The following XRCC4 variants were observed in gnomAD, a reference collection of about 807,000 sequenced individuals.
The protein encoded by XRCC4 is DNA repair protein XRCC4.
Under a neutral mutation model 39.1 loss-of-function variants are expected in XRCC4, and 28 were observed. The ratio of observed to expected loss-of-function variants is 0.72; its 90% CI spans 0.53 to 0.98. XRCC4 has a LOEUF of 0.98. Among genes scored for constraint, XRCC4 ranks in the 50% least tolerant of loss-of-function variants. XRCC4 has a pLI of 0.00. For synonymous variants in XRCC4, 123 were observed against 126.4 expected, an observed-to-expected ratio of 0.97 and a Z score of 0.18; for missense variants, 350 against 376.4, an observed-to-expected ratio of 0.93 and a Z score of 0.58.
intron 6 of XRCC4, among the ~76,000 whole-genome samples, chr5:83,235,619 G>GA (rs777345894): frequency 6.6e-6 from 1 of 151,984 alleles, no homozygotes; most frequent in Non-Finnish European, 1.5e-5. Flanking sequence ...TACTGAACGG[G>GA]AAAAAAACAA....
intron 4 of XRCC4, among the ~76,000 whole-genome samples, chr5:83,200,880 C>T (rs1050812219): frequency 2.6e-5 from 4 of 152,058 alleles, no homozygotes; most frequent in African/African-American, 9.7e-5. Flanking sequence ...GAATATCATG[C>T]TTACGTAACA....
chr5:83,120,011 A>C (rs867906864), intron 3 of XRCC4, among the ~76,000 whole-genome samples: 6 of 151,340 alleles, frequency 4.0e-5, no homozygotes, highest in Non-Finnish European at 7.4e-5. Flanking sequence ...AAAAAAAAAA[A>C]AAAACAATAA....
chr5:83,217,628 G>A (rs1751915360), intron 6 of XRCC4, among the ~76,000 whole-genome samples: 1 of 152,160 alleles, frequency 6.6e-6, no homozygotes, highest in Non-Finnish European at 1.5e-5. Context: ...GCACAAGGAT[G>A]CAGATGTCAG....
intron 7 of XRCC4, among the ~76,000 whole-genome samples, chr5:83,321,779 T>C (rs1376668241): frequency 6.6e-6 from 1 of 151,978 alleles, no homozygotes; most frequent in Non-Finnish European, 1.5e-5. Flanking sequence ...AGATGTGATA[T>C]TCCCTGAAGA....
intron 6 of XRCC4, among the ~76,000 whole-genome samples, chr5:83,222,995 G>A (rs755015805): frequency 1.1e-4 from 17 of 152,120 alleles, no homozygotes; most frequent in Non-Finnish European, 2.1e-4. Context: ...CAATGTACCT[G>A]CCTTGGCCTC....
intron 1 of XRCC4, among the ~76,000 whole-genome samples, chr5:83,086,027 G>A (rs1036415639): frequency 1.3e-5 from 2 of 152,124 alleles, no homozygotes; most frequent in Non-Finnish European, 2.9e-5. Flanking sequence ...TTCTTTGAAC[G>A]ACAGTCCTAA....
At chr5:83,161,238 G>C (rs948940942) in intron 3 of XRCC4, among the ~76,000 whole-genome samples, 9 of 151,756 alleles carry the variant, frequency 5.9e-5, no homozygotes, top group African/African-American at 2.2e-4. Context: ...AGCCTCCCAA[G>C]TAGCTGGGAT....
intron 3 of XRCC4, among the ~76,000 whole-genome samples, chr5:83,157,961 C>T (rs2112574238): frequency 1.3e-5 from 2 of 152,080 alleles, no homozygotes; most frequent in African/African-American, 4.8e-5. Context: ...TTGTTGTTTT[C>T]CCCACTTGCT....
intron 7 of XRCC4, among the ~76,000 whole-genome samples, chr5:83,291,858 G>T (rs1754929997): frequency 6.6e-6 from 1 of 151,614 alleles, no homozygotes; most frequent in African/African-American, 2.4e-5. Flanking sequence ...GTTGACTTCA[G>T]ATATAGTTCA....
intron 1 of XRCC4, among the ~76,000 whole-genome samples, chr5:83,084,801 A>G (rs1241359430): frequency 2.6e-5 from 4 of 152,144 alleles, no homozygotes; most frequent in African/African-American, 9.7e-5. Context: ...ACTACTCTTT[A>G]TGATTGGCAT....
chr5:83,095,803 A>G (rs1030947631), intron 1 of XRCC4, among the ~76,000 whole-genome samples: 6 of 152,084 alleles, frequency 3.9e-5, no homozygotes, highest in Non-Finnish European at 7.4e-5. Flanking sequence ...GGGCCCCTTC[A>G]CAGTCTGCTG....
chr5:83,302,982 G>A (rs540749337), intron 7 of XRCC4, among the ~76,000 whole-genome samples: 58 of 152,282 alleles, frequency 3.8e-4, no homozygotes, highest in African/African-American at 8.7e-4. Context: ...GGAAGCTGAG[G>A]CGGGTGGATC....
rs542671231 is a variant in XRCC4 at position 83,298,567 on chromosome 5, A to G, written c.893+39890A>G. On this transcript the variant is annotated intron_variant, in intron 7 of 7. Coordinates refer to ENST00000396027, the MANE Select transcript of XRCC4 (RefSeq NM_003401.5). The stretch of plus-strand genomic sequence containing the variant: ...TTCTTTTGATTAGTGTTTCCCTGGT[A>G]TATCTGTTTATTCACCCTTGTTACT... Among the ~76,000 whole-genome samples the G allele has an allele frequency of 3.3e-5, 5 of 151,586 alleles. No individual in the cohort carries two copies. The South Asian group carries it at 1.0e-3, about 32-fold the overall frequency.
chr5:83,313,785 A>G (rs907659376), intron 7 of XRCC4, among the ~76,000 whole-genome samples: 18 of 152,222 alleles, frequency 1.2e-4, no homozygotes, highest in African/African-American at 4.3e-4. Flanking sequence ...TGATCACAGT[A>G]TTTAATATTG....
intron 3 of XRCC4, among the ~76,000 whole-genome samples, chr5:83,170,903 A>G (rs1749693097): frequency 6.6e-6 from 1 of 152,142 alleles, no homozygotes; most frequent in Non-Finnish European, 1.5e-5. Flanking sequence ...GGCTACTACT[A>G]AGATAATAGA....
chr5:83,369,084 A>G, the XRCC4 span, among the ~76,000 whole-genome samples: 1 of 152,222 alleles, frequency 6.6e-6, no homozygotes, highest in South Asian at 2.1e-4. Flanking sequence ...ATAACTTCTT[A>G]GAAGTGAGTA....
At chr5:83,083,970 C>T (rs1404985930) in intron 1 of XRCC4, among the ~76,000 whole-genome samples, 1 of 152,194 alleles carries the variant, frequency 6.6e-6, no homozygotes. Context: ...CTTCCTACCT[C>T]TGCATTTTAC....
intron 7 of XRCC4, chr5:83,280,692 G>T: frequency 4.4e-6 from 1 of 229,012 alleles, no homozygotes; most frequent in East Asian, 8.3e-5. Context: ...CATTCATAAG[G>T]GCAGAGCCCT....
intron 3 of XRCC4, among the ~76,000 whole-genome samples, chr5:83,190,012 CA>C (rs1750623536): frequency 6.6e-6 from 1 of 152,070 alleles, no homozygotes; most frequent in Non-Finnish European, 1.5e-5. Context: ...TGCAATGAGC[CA>C]GGGTCATGCC....
Sources: allele counts gnomAD v4.1 joint callset (sites outside exome capture counted in the v4.1 genomes callset), GRCh38; gene constraint gnomAD v4.1.1; transcripts MANE v1.5; gene names NCBI Gene and HGNC (gene_info 2026-07-23, HGNC 2026-07-21).